Variants in PCDH15 observed in about 807,000 individuals in gnomAD.
PCDH15 encodes the protein protocadherin related 15, also known as protocadherin-15.
In PCDH15, 129 loss-of-function variants were observed where a neutral mutation model predicts 178.5. The ratio of observed to expected loss-of-function variants is 0.72; its 90% CI spans 0.63 to 0.84. The LOEUF (loss-of-function observed/expected upper bound fraction) is 0.84. Among genes scored for constraint, PCDH15 ranks in the 40% least tolerant of loss-of-function variants. PCDH15 has a pLI of 0.00. For synonymous variants in PCDH15, 800 were observed against 732.0 expected (o/e 1.09, Z -1.50); for missense variants, 2,230 against 2,099.9 (o/e 1.06, Z -1.21).
chr10:55,408,188 T>C (rs997604055), intron 2 of PCDH15, among the ~76,000 whole-genome samples: 5 of 101,722 alleles, frequency 4.9e-5, no homozygotes, highest in African/African-American at 2.3e-4. Context: ...TTGATTCTTT[T>C]TTCTTTTTTT....
intron 2 of PCDH15, among the ~76,000 whole-genome samples, chr10:55,557,125 T>C (rs1842106358): frequency 6.6e-6 from 1 of 152,160 alleles, no homozygotes; most frequent in South Asian, 2.1e-4. Context: ...TATCTATCTT[T>C]TAATGTCTTC....
At chr10:54,164,638 C>T (rs900212161) in intron 13 of PCDH15, among the ~76,000 whole-genome samples, 2 of 152,126 alleles carry the variant, frequency 1.3e-5, no homozygotes, top group African/African-American at 4.8e-5. Context: ...AGAGGGAATT[C>T]CAACTTCTTA....
chr10:55,088,153 A>G (rs1842223476), intron 2 of PCDH15, among the ~76,000 whole-genome samples: 1 of 152,126 alleles, frequency 6.6e-6, no homozygotes, highest in African/African-American at 2.4e-5. Context: ...ATCATATGAA[A>G]TTGACCAAAA....
At chr10:54,331,561 G>A (rs1373594333) in intron 6 of PCDH15, among the ~76,000 whole-genome samples, 3 of 151,948 alleles carry the variant, frequency 2.0e-5, no homozygotes, top group African/African-American at 7.2e-5. Flanking sequence ...ACAGGAGTGT[G>A]AAAATGATTG....
In PCDH15 at chr10:55,222,190, T is replaced by G. The variant is rs576466806; in HGVS notation, c.-155-55539A>C. On this transcript the variant is annotated intron_variant, in intron 1 of 5. Transcript: ENST00000458638. Reference sequence around the variant, plus strand: ...GCGCCCAGCCTATATAATTTAATTTTTAATTATTTCCCTGTTTAACAACAT... The same window carrying G: ...GCGCCCAGCCTATATAATTTAATTTGTAATTATTTCCCTGTTTAACAACAT... Among the ~76,000 whole-genome samples the G allele has an allele frequency of 4.6e-5, 7 of 152,116 alleles. 1 individual carries two copies. The highest frequency in any genetic ancestry group is 1.4e-4 in the African/African-American group (6 of 41,442).
intron 2 of PCDH15, chr10:54,528,248 C>A: frequency 1.3e-6 from 1 of 795,226 alleles, no homozygotes; most frequent in Non-Finnish European, 2.0e-6. Flanking sequence ...CAGAAACAAA[C>A]ATAATTGGAC....
At chr10:54,758,545 C>A (rs1171969467) in intron 1 of PCDH15, among the ~76,000 whole-genome samples, 1 of 152,162 alleles carries the variant, frequency 6.6e-6, no homozygotes, top group East Asian at 1.9e-4. Flanking sequence ...TCTATATACA[C>A]AATATGTATA....
intron 3 of PCDH15, among the ~76,000 whole-genome samples, chr10:54,468,840 G>C (rs1589573907): frequency 6.6e-6 from 1 of 152,028 alleles, no homozygotes. Flanking sequence ...AGTGTTTGCT[G>C]TGCATATATT....
At chr10:53,932,955 C>T (rs915837131) in intron 25 of PCDH15, among the ~76,000 whole-genome samples, 1 of 151,954 alleles carries the variant, frequency 6.6e-6, no homozygotes, top group African/African-American at 2.4e-5. Context: ...AATTGTGTGG[C>T]ACCTTCCCCC....
intron 2 of PCDH15, among the ~76,000 whole-genome samples, chr10:54,660,809 T>A (rs1212334203): frequency 6.6e-6 from 1 of 152,030 alleles, no homozygotes; most frequent in African/African-American, 2.4e-5. Context: ...GTTAAACATA[T>A]GCAAATCAAT....
chr10:54,954,153 G>C (rs1000245298), intron 2 of PCDH15, among the ~76,000 whole-genome samples: 1 of 151,104 alleles, frequency 6.6e-6, no homozygotes, highest in African/African-American at 2.4e-5. Flanking sequence ...TAAAATAATA[G>C]AATGTCATTG....
intron 2 of PCDH15, among the ~76,000 whole-genome samples, chr10:54,959,032 G>A (rs1365433000): frequency 6.6e-6 from 1 of 151,696 alleles, no homozygotes; most frequent in Non-Finnish European, 1.5e-5. Flanking sequence ...ATGAAGAGTT[G>A]AATGGGAAAA....
chr10:54,151,280 C>T lies in PCDH15; in HGVS notation c.1784+1820G>A, dbSNP rs567080481. The stretch of plus-strand genomic sequence containing the variant: ...TGGAGGCCAGGCGTCGTGGCTGATG[C>T]CAGTAATCCCAGCACTTTGGGAGGC... On this transcript the variant is annotated intron_variant, in intron 14 of 37. Coordinates refer to ENST00000644397, the MANE Select transcript of PCDH15 (RefSeq NM_001384140.1). Among the ~76,000 whole-genome samples the T allele has an allele frequency of 7.9e-5, 12 of 152,102 alleles. No individual in the cohort carries two copies. The East Asian group carries it at 2.3e-3, about 29-fold the overall frequency.
intron 26 of PCDH15, among the ~76,000 whole-genome samples, chr10:53,880,235 T>C (rs987361902): frequency 6.6e-6 from 1 of 152,166 alleles, no homozygotes; most frequent in African/African-American, 2.4e-5. Flanking sequence ...TAAAATTACA[T>C]GGCCACAGAT....
intron 3 of PCDH15, among the ~76,000 whole-genome samples, chr10:54,492,982 C>G (rs912927796): frequency 2.6e-5 from 4 of 152,082 alleles, no homozygotes; most frequent in Admixed American, 6.6e-5. Flanking sequence ...TAGATGGCAG[C>G]AGGCAAAGAG....
intron 1 of PCDH15, among the ~76,000 whole-genome samples, chr10:54,752,517 C>CAAAAAAA (rs1183153628): frequency 1.2e-5 from 1 of 85,632 alleles, no homozygotes; most frequent in African/African-American, 4.9e-5. Flanking sequence ...AAAAAACAAA[C>CAAAAAAA]AAACAAACAA....
intron 3 of PCDH15, among the ~76,000 whole-genome samples, chr10:54,494,346 C>CT (rs1257860501): frequency 6.6e-6 from 1 of 152,052 alleles, no homozygotes; most frequent in Non-Finnish European, 1.5e-5. Flanking sequence ...AGATGGATCC[C>CT]TTTTTTATCT....
intron 8 of PCDH15, among the ~76,000 whole-genome samples, chr10:54,274,250 G>C (rs1367957137): frequency 6.6e-6 from 1 of 151,934 alleles, no homozygotes; most frequent in African/African-American, 2.4e-5. Flanking sequence ...ACGAGTTTAC[G>C]TATGTAATGA....
At chr10:55,189,788 G>A (rs773960998) in intron 1 of PCDH15, among the ~76,000 whole-genome samples, 2 of 151,704 alleles carry the variant, frequency 1.3e-5, no homozygotes, top group Non-Finnish European at 2.9e-5. Context: ...AAAAATTGGG[G>A]TAAATGGAGT....
Sources: allele counts gnomAD v4.1 joint callset (sites outside exome capture counted in the v4.1 genomes callset), GRCh38; gene constraint gnomAD v4.1.1; transcripts MANE v1.5; gene names NCBI Gene and HGNC (gene_info 2026-07-23, HGNC 2026-07-21).